Variants in LMBR1 observed in about 807,000 individuals in gnomAD.
The protein encoded by LMBR1 is limb development membrane protein 1.
In LMBR1, 52 loss-of-function variants were observed where a neutral mutation model predicts 73.9. That is an observed-to-expected ratio of 0.70 (90% confidence interval 0.56 to 0.89). The LOEUF is 0.89. Among genes scored for constraint, LMBR1 ranks in the 40% least tolerant of loss-of-function variants. The pLI is 0.00. For synonymous variants in LMBR1, 215 were observed against 209.4 expected, an observed-to-expected ratio of 1.03 and a Z score of -0.23; for missense variants, 539 against 579.8, an observed-to-expected ratio of 0.93 and a Z score of 0.72.
chr7:156,783,144 A>G (rs932469894), intron 5 of LMBR1, among the ~76,000 whole-genome samples: 2 of 152,138 alleles, frequency 1.3e-5, no homozygotes, highest in Non-Finnish European at 2.9e-5. Flanking sequence ...TGAACACAGA[A>G]TATCTATCAA....
At chr7:156,688,570 G>C (rs2131890347) in intron 15 of LMBR1, among the ~76,000 whole-genome samples, 2 of 151,978 alleles carry the variant, frequency 1.3e-5, no homozygotes, top group South Asian at 4.2e-4. Context: ...CAGGAAGCAA[G>C]AGTCACGATG....
At chr7:156,822,429 G>C (rs1251953094) in intron 4 of LMBR1, 1 of 152,066 alleles carries the variant, frequency 6.6e-6, no homozygotes, top group Non-Finnish European at 1.5e-5. Flanking sequence ...TTCAAGCCCA[G>C]GTCTATCTGA....
intron 9 of LMBR1, among the ~76,000 whole-genome samples, chr7:156,752,301 TG>T (rs1438110088): frequency 6.6e-6 from 1 of 152,148 alleles, no homozygotes; most frequent in African/African-American, 2.4e-5. Context: ...ACCAAAGGAA[TG>T]GGTGGTGACC....
chr7:156,858,873 T>G (rs777324553), intron 1 of LMBR1, among the ~76,000 whole-genome samples: 1 of 151,908 alleles, frequency 6.6e-6, no homozygotes, highest in Non-Finnish European at 1.5e-5. Flanking sequence ...TGATCAAGAT[T>G]CTCAGAAACC....
chr7:156,863,111 T>C (rs1797959193), intron 1 of LMBR1, among the ~76,000 whole-genome samples: 1 of 152,160 alleles, frequency 6.6e-6, no homozygotes, highest in Non-Finnish European at 1.5e-5. Context: ...AGAAGATATA[T>C]ATATGTATAG....
At chr7:156,817,617 G>A (rs1267990293) in intron 4 of LMBR1, among the ~76,000 whole-genome samples, 1 of 151,980 alleles carries the variant, frequency 6.6e-6, no homozygotes, top group Admixed American at 6.6e-5. Context: ...AACTACCAAT[G>A]AAATGTGGGA....
At chr7:156,747,847 CT>C (rs1397780198) in intron 9 of LMBR1, 1 of 152,192 alleles carries the variant, frequency 6.6e-6, no homozygotes. Flanking sequence ...AGGCAAACAA[CT>C]TTGTTGTTAA....
chr7:156,882,356 G>A (rs1189341295), intron 1 of LMBR1, among the ~76,000 whole-genome samples: 1 of 152,076 alleles, frequency 6.6e-6, no homozygotes, highest in African/African-American at 2.4e-5. Flanking sequence ...GAGGTGAGAG[G>A]ATCATTTGAG....
chr7:156,878,686 C>T (rs999520670), intron 1 of LMBR1, among the ~76,000 whole-genome samples: 1 of 152,164 alleles, frequency 6.6e-6, no homozygotes, highest in Non-Finnish European at 1.5e-5. Flanking sequence ...TCATTCTTCA[C>T]AGAACTAGTA....
intron 9 of LMBR1, chr7:156,736,701 G>C: frequency 2.4e-6 from 1 of 409,824 alleles, no homozygotes; most frequent in Non-Finnish European, 5.0e-6. Context: ...GCTCATTTTA[G>C]CTAGATTGAT....
chr7:156,885,505 T>G (rs1586468534), intron 1 of LMBR1, among the ~76,000 whole-genome samples: 1 of 152,008 alleles, frequency 6.6e-6, no homozygotes, highest in East Asian at 1.9e-4. Flanking sequence ...ATTCTAGCAC[T>G]TTGGGAAGCT....
intron 9 of LMBR1, among the ~76,000 whole-genome samples, chr7:156,736,813 A>G (rs1171809880): frequency 2.0e-5 from 3 of 152,216 alleles, no homozygotes; most frequent in Admixed American, 1.3e-4. Flanking sequence ...CCCTAGAATT[A>G]GCAATAATTT....
chr7:156,713,505 C>T (rs1417902960), intron 15 of LMBR1, among the ~76,000 whole-genome samples: 1 of 151,996 alleles, frequency 6.6e-6, no homozygotes, highest in African/African-American at 2.4e-5. Context: ...GGTACGTGTG[C>T]TATCTCTGCA....
At chr7:156,881,913 T>C (rs1801155275) in intron 1 of LMBR1, among the ~76,000 whole-genome samples, 1 of 151,898 alleles carries the variant, frequency 6.6e-6, no homozygotes, top group South Asian at 2.1e-4. Flanking sequence ...ATGGAAAATA[T>C]GTGGGTTCCT....
rs113832355 is a variant in LMBR1, at chr7:156,690,851, C to T, written c.1226-2660G>A. On this transcript the variant is annotated intron_variant, in intron 15 of 16. Coordinates refer to ENST00000353442, the MANE Select transcript of LMBR1 (RefSeq NM_022458.4). Reference sequence around the variant, plus strand: ...CAATTCTGAAAATTTTCTATAAAGACTGGACCACAAGAAACCTTAAAAATG... The same window carrying T: ...CAATTCTGAAAATTTTCTATAAAGATTGGACCACAAGAAACCTTAAAAATG... Among the ~76,000 whole-genome samples, 816 of 152,278 alleles carry T rather than the reference C, an allele frequency of 5.4e-3. 11 individuals carry two copies. Among genetic ancestry groups the T allele is most frequent in the African/African-American group, 0.019 (787 of 41,550 alleles).
intron 1 of LMBR1, among the ~76,000 whole-genome samples, chr7:156,887,607 G>A (rs920756730): frequency 6.6e-6 from 1 of 152,028 alleles, no homozygotes; most frequent in Admixed American, 6.6e-5. Flanking sequence ...GATGCCAGTT[G>A]GTGATGAATT....
At chr7:156,701,145 A>G (rs971282112) in intron 15 of LMBR1, among the ~76,000 whole-genome samples, 1 of 152,234 alleles carries the variant, frequency 6.6e-6, no homozygotes, top group Non-Finnish European at 1.5e-5. Flanking sequence ...GGGTGGGGAC[A>G]CAGCCACACC....
intron 1 of LMBR1, among the ~76,000 whole-genome samples, chr7:156,889,906 AG>A (rs1257115649): frequency 7.9e-5 from 12 of 152,114 alleles, no homozygotes; most frequent in Non-Finnish European, 1.3e-4. Context: ...TGGGAAGCTG[AG>A]GTGGGAGGAT....
At chr7:156,717,429 G>C (rs1218739352) in intron 15 of LMBR1, among the ~76,000 whole-genome samples, 1 of 152,134 alleles carries the variant, frequency 6.6e-6, no homozygotes, top group Non-Finnish European at 1.5e-5. Flanking sequence ...GTCTCGATTT[G>C]GGGGCAAGTG....
Sources: gnomAD v4.1 joint callset for allele counts (sites outside exome capture counted in the v4.1 genomes callset) on GRCh38, gnomAD v4.1.1 for gene constraint, MANE v1.5 for transcripts, NCBI Gene and HGNC (gene_info 2026-07-23, HGNC 2026-07-21) for gene names.